ATP1B3: variants seen among roughly 807,000 people sequenced by gnomAD.
The protein encoded by ATP1B3 is ATPase Na+/K+ transporting subunit beta 3.
Under a neutral mutation model 30.2 loss-of-function variants are expected in ATP1B3, and 10 were observed. The observed-to-expected ratio is 0.33, with a 90% confidence interval of 0.20 to 0.56. ATP1B3 has a LOEUF of 0.56. Ranked by LOEUF, ATP1B3 falls within the 20% of genes least tolerant of loss-of-function variation. ATP1B3 has a pLI of 0.90. For synonymous variants in ATP1B3, 113 were observed against 117.0 expected (o/e 0.97, Z 0.22); for missense variants, 238 against 336.7 (o/e 0.71, Z 2.29).
At chr3:141,889,758 C>CATAT (rs1322858540) in intron 1 of ATP1B3, among the ~76,000 whole-genome samples, 711 of 63,046 alleles carry the variant, frequency 0.011, 92 homozygotes, top group African/African-American at 0.036. Flanking sequence ...AAAATATATA[C>CATAT]ACACACACAC....
At chr3:141,890,460 G>A (rs1184927433) in intron 1 of ATP1B3, among the ~76,000 whole-genome samples, 12 of 151,350 alleles carry the variant, frequency 7.9e-5, no homozygotes, top group Non-Finnish European at 1.5e-4. Context: ...CCGCCACTAC[G>A]CCCGGCTGAT....
intron 6 of ATP1B3, among the ~76,000 whole-genome samples, chr3:141,922,487 T>C (rs1376105761): frequency 1.3e-5 from 2 of 151,606 alleles, no homozygotes; most frequent in Non-Finnish European, 2.9e-5. Flanking sequence ...ACCCCCTCTC[T>C]ACTAAAAATA....
chr3:141,887,236 G>A (rs1227525046), intron 1 of ATP1B3, among the ~76,000 whole-genome samples: 1 of 152,182 alleles, frequency 6.6e-6, no homozygotes, highest in African/African-American at 2.4e-5. Context: ...TACAAAAATA[G>A]CAGCAGCCGT....
At chr3:141,915,389 G>T (rs1353898908) in intron 4 of ATP1B3, among the ~76,000 whole-genome samples, 2 of 152,212 alleles carry the variant, frequency 1.3e-5, no homozygotes, top group Admixed American at 1.3e-4. Context: ...TATAAATTCA[G>T]AATGCCAAAA....
chr3:141,904,148 G>A (rs981311706), intron 2 of ATP1B3, among the ~76,000 whole-genome samples: 2 of 152,182 alleles, frequency 1.3e-5, no homozygotes, highest in African/African-American at 2.4e-5. Flanking sequence ...GTTTTATATA[G>A]CAGATAGAAG....
At chr3:141,919,645 A>G (rs1385761129) in intron 5 of ATP1B3, among the ~76,000 whole-genome samples, 4 of 152,204 alleles carry the variant, frequency 2.6e-5, no homozygotes, top group Non-Finnish European at 5.9e-5. Context: ...ATAGTTTACA[A>G]TATGATGCTA....
chr3:141,919,199 A>C (rs1192611368), intron 5 of ATP1B3, among the ~76,000 whole-genome samples: 1 of 150,984 alleles, frequency 6.6e-6, no homozygotes, highest in African/African-American at 2.4e-5. Flanking sequence ...TCTTGTATTG[A>C]TTTTGTTCTG....
chr3:141,916,797 G>T (rs1384471006), intron 5 of ATP1B3, among the ~76,000 whole-genome samples: 1 of 152,154 alleles, frequency 6.6e-6, no homozygotes, highest in Non-Finnish European at 1.5e-5. Context: ...GAGTCATGTT[G>T]CCTTGTTGGG....
intron 6 of ATP1B3, among the ~76,000 whole-genome samples, chr3:141,925,063 G>C (rs1028832599): frequency 6.6e-6 from 1 of 152,218 alleles, no homozygotes; most frequent in Non-Finnish European, 1.5e-5. Context: ...TCAGGGGCAT[G>C]AGCTGTCACA....
intron 1 of ATP1B3, chr3:141,902,277 T>C: frequency 8.3e-7 from 1 of 1,204,322 alleles, no homozygotes; most frequent in Non-Finnish European, 1.1e-6. Context: ...AAAATGAAAT[T>C]GCTTTAACTA....
intron 6 of ATP1B3, among the ~76,000 whole-genome samples, chr3:141,923,167 A>G (rs1476345165): frequency 2.0e-5 from 3 of 149,186 alleles, no homozygotes; most frequent in African/African-American, 7.5e-5. Context: ...AATCCCAGCT[A>G]CTCGGGAGAC....
At chr3:141,917,898 A>G (rs1162443918) in intron 5 of ATP1B3, among the ~76,000 whole-genome samples, 1 of 150,982 alleles carries the variant, frequency 6.6e-6, no homozygotes, top group Non-Finnish European at 1.5e-5. Flanking sequence ...CTCCCAAGTA[A>G]CTGGGACTAC....
chr3:141,893,160 C>T (rs1443329997), intron 1 of ATP1B3, among the ~76,000 whole-genome samples: 1 of 152,040 alleles, frequency 6.6e-6, no homozygotes, highest in Admixed American at 6.6e-5. Context: ...AGGCACGCAC[C>T]ACCACACCTG....
In ATP1B3 at chr3:141,925,577, C is replaced by T. The variant is rs762081078; in HGVS notation, c.716C>T (p.Pro239Leu). ...PLVAVQVSFA[P>L]NNTGKEVTVE... The stretch of plus-strand genomic sequence containing the variant: ...GTTGCTGTTCAGGTCAGCTTTGCTC[C>T]TAACAACACTGGGAAAGAAGTAACA... Residue 239 changes from proline to leucine, a missense_variant, in exon 7 of 7, where the codon CCT (proline) becomes CTT (leucine). Around this residue, in one of 3 missense-constraint regions of ATP1B3, gnomAD observed 50 missense variants for 62.3 expected, o/e 0.80. Coordinates refer to ENST00000286371, the MANE Select transcript of ATP1B3 (RefSeq NM_001679.4). The T allele has an allele frequency of 4.3e-6, 7 of 1,613,652 alleles. No homozygotes were observed. The highest frequency in any genetic ancestry group is 5.9e-6 in the Non-Finnish European group (7 of 1,179,844).
At chr3:141,885,514 T>C (rs1393327078) in intron 1 of ATP1B3, among the ~76,000 whole-genome samples, 1 of 152,170 alleles carries the variant, frequency 6.6e-6, no homozygotes, top group Non-Finnish European at 1.5e-5. Flanking sequence ...AATGGCACAA[T>C]CTTGGCTCAC....
At chr3:141,916,576 T>C in intron 5 of ATP1B3, 5 of 1,286,756 alleles carry the variant, frequency 3.9e-6, no homozygotes, top group Non-Finnish European at 4.1e-6. Context: ...AAAAGATGGG[T>C]AAGAGTTCTG....
At chr3:141,913,593 C>T (rs1264499306) in intron 3 of ATP1B3, 59 bp from the exon 4 acceptor site, 6 of 1,375,942 alleles carry the variant, frequency 4.4e-6, no homozygotes, top group South Asian at 1.5e-5. Context: ...TAATATATTC[C>T]TGGTTGTTTT....
chr3:141,912,282 T>C (rs1485589511), intron 3 of ATP1B3, among the ~76,000 whole-genome samples: 1 of 143,882 alleles, frequency 7.0e-6, no homozygotes, highest in Non-Finnish European at 1.6e-5. Flanking sequence ...TATTTATTTA[T>C]TTATTTATTT....
intron 1 of ATP1B3, among the ~76,000 whole-genome samples, chr3:141,881,478 G>A (rs1933725152): frequency 6.6e-6 from 1 of 152,140 alleles, no homozygotes; most frequent in African/African-American, 2.4e-5. Flanking sequence ...TCTGGGTCAT[G>A]GCTCAGTAAT....
Sources: allele counts gnomAD v4.1 joint callset (sites outside exome capture counted in the v4.1 genomes callset), GRCh38; gene constraint gnomAD v4.1.1; regional missense constraint gnomAD v4.1.1; transcripts MANE v1.5; gene names NCBI Gene and HGNC (gene_info 2026-07-23, HGNC 2026-07-21).